MAGI2: variants seen among roughly 807,000 people sequenced by gnomAD.
The protein encoded by MAGI2 is membrane associated guanylate kinase, WW and PDZ domain containing 2.
MAGI2 carries 35 observed loss-of-function variants against 133.3 expected under a neutral mutation model. The observed-to-expected ratio is 0.26, with a 90% CI of 0.20 to 0.35. The LOEUF (loss-of-function observed/expected upper bound fraction) is 0.35, where lower values mean the gene tolerates loss of function less well. Among genes scored for constraint, MAGI2 ranks in the 10% least tolerant of loss-of-function variants. MAGI2 has a pLI of 1.00. For missense variants in MAGI2, 1,636 were observed against 1,863.4 expected, an observed-to-expected ratio of 0.88 and a Z score of 2.25; for synonymous variants, 729 against 710.6, an observed-to-expected ratio of 1.03 and a Z score of -0.41.
At chr7:79,335,914 A>G (rs1840406264) in intron 1 of MAGI2, among the ~76,000 whole-genome samples, 1 of 152,054 alleles carries the variant, frequency 6.6e-6, no homozygotes. Flanking sequence ...TGTAATGTCT[A>G]TCTTCTCTTC....
At chr7:79,377,897 A>G (rs1256693978) in intron 1 of MAGI2, among the ~76,000 whole-genome samples, 1 of 151,876 alleles carries the variant, frequency 6.6e-6, no homozygotes, top group Non-Finnish European at 1.5e-5. Context: ...TCATCCTCAC[A>G]GAAAACAGCA....
chr7:78,423,234 G>A (rs763925339), intron 6 of MAGI2, among the ~76,000 whole-genome samples: 6 of 152,086 alleles, frequency 3.9e-5, no homozygotes, highest in Non-Finnish European at 8.8e-5. Flanking sequence ...TGAGCCTCAC[G>A]AGATCTGATG....
intron 1 of MAGI2, among the ~76,000 whole-genome samples, chr7:79,443,138 G>A (rs1018091596): frequency 6.6e-6 from 1 of 151,970 alleles, no homozygotes; most frequent in Non-Finnish European, 1.5e-5. Flanking sequence ...CGGGTGTGAT[G>A]GTGGGTGCCT....
At chr7:79,184,383 A>G (rs1826883059) in intron 1 of MAGI2, among the ~76,000 whole-genome samples, 1 of 151,446 alleles carries the variant, frequency 6.6e-6, no homozygotes, top group South Asian at 2.1e-4. Context: ...CATGTAACCA[A>G]ACACACCTGT....
chr7:78,345,690 G>A (rs1233314345), intron 8 of MAGI2: 1 of 488,132 alleles, frequency 2.0e-6, no homozygotes, highest in Non-Finnish European at 3.6e-6. Flanking sequence ...ATCTCCACGT[G>A]GTGACATGCT....
At chr7:79,344,460 G>A (rs1017086887) in intron 1 of MAGI2, among the ~76,000 whole-genome samples, 54 of 152,238 alleles carry the variant, frequency 3.5e-4, no homozygotes, top group Middle Eastern at 3.4e-3. Flanking sequence ...TGAGAGGCAG[G>A]AATAACTTGT....
At chr7:78,027,229 A>G (rs1240212309) in intron 21 of MAGI2, among the ~76,000 whole-genome samples, 1 of 152,216 alleles carries the variant, frequency 6.6e-6, no homozygotes, top group East Asian at 1.9e-4. Flanking sequence ...GATTGTCAGA[A>G]GCAGGTCCAT....
intron 2 of MAGI2, among the ~76,000 whole-genome samples, chr7:78,998,039 C>T (rs533584351): frequency 6.6e-5 from 10 of 152,216 alleles, no homozygotes; most frequent in Admixed American, 2.0e-4. Context: ...CATTTACTAA[C>T]GCTGGACCAT....
At chr7:78,961,207 A>G (rs888767868) in intron 2 of MAGI2, among the ~76,000 whole-genome samples, 6 of 152,152 alleles carry the variant, frequency 3.9e-5, no homozygotes, top group African/African-American at 1.4e-4. Flanking sequence ...GCTCAAATGA[A>G]GTCACCAATG....
At chr7:79,070,498 A>G (rs1467663920) in intron 1 of MAGI2, among the ~76,000 whole-genome samples, 7 of 150,220 alleles carry the variant, frequency 4.7e-5, no homozygotes, top group Non-Finnish European at 1.0e-4. Flanking sequence ...TTTATTATTT[A>G]TTTATTTATT....
chr7:78,341,654 C>G (rs1489527788), intron 9 of MAGI2, among the ~76,000 whole-genome samples: 3 of 152,052 alleles, frequency 2.0e-5, no homozygotes, highest in Admixed American at 6.6e-5. Context: ...AAATAAACAC[C>G]ATACATCTAC....
intron 16 of MAGI2, among the ~76,000 whole-genome samples, chr7:78,141,656 A>G (rs1483169336): frequency 1.3e-5 from 2 of 152,188 alleles, no homozygotes; most frequent in African/African-American, 4.8e-5. Flanking sequence ...CAAAACCCAA[A>G]ATCAAACAGC....
chr7:79,125,276 G>A lies in MAGI2; in HGVS notation c.302-118070C>T, dbSNP rs530250376. 8.8e-4 allele frequency: 398 copies of A among 452,150 alleles called. 1 individual carries two copies. The highest frequency in any genetic ancestry group is 1.5e-3 in the Non-Finnish European group (345 of 234,808). The allele number at this position is 452,150 out of a possible 1,614,324, so 28.0% of individuals were successfully genotyped here. Reference sequence around the variant, plus strand: ...ACAACTGTGAAGTAAGGAAAGCCCTGCCAAAACAAGAGATGGCTAGTGCTT... The same window carrying A: ...ACAACTGTGAAGTAAGGAAAGCCCTACCAAAACAAGAGATGGCTAGTGCTT... On this transcript the variant is annotated intron_variant, in intron 1 of 21. Transcript: ENST00000354212.
Position 78,559,930 on chromosome 7 carries a change from T to C in MAGI2, c.539-38285A>G, listed in dbSNP as rs571790413. On this transcript the variant is annotated intron_variant, in intron 3 of 21. Transcript: ENST00000354212. ...GAAAACAGTCCTACAAGGAAGAAAA[T>C]GAGAAAAGAATAAGAAAAAATAGGG... Among the ~76,000 whole-genome samples the C allele has an allele frequency of 6.0e-4, 90 of 150,108 alleles. 1 individual carries two copies. Among genetic ancestry groups the C allele is most frequent in the African/African-American group, 2.1e-3 (87 of 40,750 alleles).
At chr7:79,235,059 G>T (rs1232835880) in intron 1 of MAGI2, among the ~76,000 whole-genome samples, 1 of 151,770 alleles carries the variant, frequency 6.6e-6, no homozygotes, top group Non-Finnish European at 1.5e-5. Context: ...TGCCGTGTGA[G>T]GTGTCAGTGT....
chr7:78,218,345 A>G (rs889868195), intron 10 of MAGI2, among the ~76,000 whole-genome samples: 5 of 152,356 alleles, frequency 3.3e-5, no homozygotes, highest in Non-Finnish European at 7.3e-5. Context: ...AGTGATGTAA[A>G]TCTTTCAGAG....
At chr7:78,403,629 G>A (rs575974655) in intron 6 of MAGI2, among the ~76,000 whole-genome samples, 2 of 152,224 alleles carry the variant, frequency 1.3e-5, no homozygotes, top group South Asian at 4.2e-4. Context: ...GTGTAAAAGT[G>A]TTCCTATTTC....
intron 1 of MAGI2, among the ~76,000 whole-genome samples, chr7:79,440,471 T>C (rs962215275): frequency 1.3e-5 from 2 of 152,134 alleles, no homozygotes; most frequent in South Asian, 2.1e-4. Context: ...TCTTGAGCCC[T>C]ACCAGAGCAA....
intron 20 of MAGI2, among the ~76,000 whole-genome samples, chr7:78,097,574 A>C (rs1042778871): frequency 3.3e-5 from 5 of 152,202 alleles, no homozygotes; most frequent in African/African-American, 9.6e-5. Context: ...CAGAAATCCA[A>C]ATACTGCATG....
Sources: allele counts gnomAD v4.1 joint callset (sites outside exome capture counted in the v4.1 genomes callset), GRCh38; gene constraint gnomAD v4.1.1; transcripts MANE v1.5; gene names NCBI Gene and HGNC (gene_info 2026-07-23, HGNC 2026-07-21).